Variants in SGK1 observed in about 807,000 individuals in gnomAD.
The protein encoded by SGK1 is serum/glucocorticoid regulated kinase 1.
In SGK1, 26 loss-of-function variants were observed where a neutral mutation model predicts 64.2. The ratio of observed to expected loss-of-function variants is 0.40; its 90% confidence interval spans 0.30 to 0.56. SGK1 has a LOEUF of 0.56. Ranked by LOEUF, SGK1 falls within the 20% of genes least tolerant of loss-of-function variation. SGK1 has a pLI of 0.38. For synonymous variants in SGK1, 265 were observed against 239.7 expected, an observed-to-expected ratio of 1.11 and a Z score of -0.98; for missense variants, 519 against 645.6, an observed-to-expected ratio of 0.80 and a Z score of 2.12.
chr6:134,291,987 C>G (rs1234614381), intron 1 of SGK1, among the ~76,000 whole-genome samples: 1 of 150,956 alleles, frequency 6.6e-6, no homozygotes, highest in Non-Finnish European at 1.5e-5. Context: ...GCCTTGAACC[C>G]AGGAGGCGGA....
intron 2 of SGK1, among the ~76,000 whole-genome samples, chr6:134,210,807 G>T (rs1437460881): frequency 8.9e-6 from 1 of 112,212 alleles, no homozygotes; most frequent in African/African-American, 3.9e-5. Context: ...GCAAGACTCC[G>T]TCTCAAAAAA....
intron 1 of SGK1, among the ~76,000 whole-genome samples, chr6:134,266,606 A>G (rs1562269343): frequency 6.6e-6 from 1 of 151,910 alleles, no homozygotes; most frequent in East Asian, 1.9e-4. Flanking sequence ...AAAGAAGGAG[A>G]CTCTGTCTCA....
chr6:134,203,586 T>A (rs1172122990), intron 3 of SGK1, among the ~76,000 whole-genome samples: 1 of 152,116 alleles, frequency 6.6e-6, no homozygotes, highest in Non-Finnish European at 1.5e-5. Context: ...ACCTTAACTA[T>A]AAGACACAGG....
intron 2 of SGK1, among the ~76,000 whole-genome samples, chr6:134,222,104 T>C (rs1439042678): frequency 1.3e-5 from 2 of 152,232 alleles, no homozygotes; most frequent in African/African-American, 2.4e-5. Flanking sequence ...TCTAGTGCTT[T>C]AATCCTCCTG....
At chr6:134,251,447 G>T (rs1464841492) in intron 2 of SGK1, among the ~76,000 whole-genome samples, 3 of 152,172 alleles carry the variant, frequency 2.0e-5, no homozygotes, top group African/African-American at 7.2e-5. Flanking sequence ...GAAAGATTTG[G>T]TTACATACAA....
At chr6:134,260,277 G>A (rs1260348518) in intron 2 of SGK1, 2 of 151,676 alleles carry the variant, frequency 1.3e-5, no homozygotes, top group African/African-American at 4.8e-5. Context: ...TTGAACCTAG[G>A]AGTTTGAGGT....
At chr6:134,296,776 CAAAA>C (rs869144600) in intron 1 of SGK1, among the ~76,000 whole-genome samples, 2 of 66,736 alleles carry the variant, frequency 3.0e-5, no homozygotes, top group Non-Finnish European at 5.9e-5. Flanking sequence ...TATTTTGGAC[CAAAA>C]AAAAAAAAAA....
At chr6:134,172,532 C>T (rs376149280) in intron 9 of SGK1, 130 bp downstream of exon 9, 25 of 777,688 alleles carry the variant, frequency 3.2e-5, no homozygotes, top group Non-Finnish European at 4.4e-5. Context: ...AGCCAGCTCA[C>T]GTGCTAGGGG....
intron 1 of SGK1, among the ~76,000 whole-genome samples, chr6:134,262,994 G>T (rs1367199350): frequency 6.6e-6 from 1 of 151,790 alleles, no homozygotes; most frequent in Non-Finnish European, 1.5e-5. Context: ...TAAGATTCAG[G>T]TAATAATATT....
intron 2 of SGK1, among the ~76,000 whole-genome samples, chr6:134,227,976 G>T (rs1395858458): frequency 1.7e-5 from 2 of 115,778 alleles, no homozygotes; most frequent in African/African-American, 6.6e-5. Flanking sequence ...TTTTGGAGAC[G>T]GAGAGTCTTG....
chr6:134,191,372 C>T (rs1038105899), intron 3 of SGK1, among the ~76,000 whole-genome samples: 16 of 152,154 alleles, frequency 1.1e-4, no homozygotes, highest in African/African-American at 3.6e-4. Context: ...TCTAATCTTT[C>T]GCTGGAATCA....
intron 1 of SGK1, among the ~76,000 whole-genome samples, chr6:134,295,458 C>A (rs1451224082): frequency 6.6e-6 from 1 of 152,174 alleles, no homozygotes; most frequent in Non-Finnish European, 1.5e-5. Context: ...AATCCCAGCA[C>A]TTTGGGACGC....
At chr6:134,313,839 G>A (rs1056860355) in intron 1 of SGK1, among the ~76,000 whole-genome samples, 15 of 152,172 alleles carry the variant, frequency 9.9e-5, no homozygotes, top group African/African-American at 3.6e-4. Flanking sequence ...ATTTGTTTGC[G>A]TTTTCTAAAT....
At chr6:134,212,143 T>A (rs1262968437) in intron 2 of SGK1, among the ~76,000 whole-genome samples, 2 of 151,764 alleles carry the variant, frequency 1.3e-5, no homozygotes, top group African/African-American at 4.8e-5. Flanking sequence ...GAGCTCCGCC[T>A]CCCGGGTTCA....
intron 1 of SGK1, among the ~76,000 whole-genome samples, chr6:134,266,624 T>A (rs1776858124): frequency 6.6e-6 from 1 of 152,080 alleles, no homozygotes; most frequent in Admixed American, 6.6e-5. Context: ...TCAAAAAAAA[T>A]AAAATATCTT....
chr6:134,305,381 A>G (rs1458296253), intron 1 of SGK1, among the ~76,000 whole-genome samples: 1 of 151,170 alleles, frequency 6.6e-6, no homozygotes, highest in African/African-American at 2.4e-5. Context: ...AAAAAAAAAA[A>G]AAAAAGGGAA....
intron 1 of SGK1, chr6:134,297,261 A>T: frequency 8.1e-7 from 1 of 1,231,256 alleles, no homozygotes; most frequent in South Asian, 1.2e-5. Context: ...GTAGGTTGCG[A>T]TCTCAATGTC....
chr6:134,192,242 G>A (rs1347370860), intron 3 of SGK1, among the ~76,000 whole-genome samples: 2 of 152,132 alleles, frequency 1.3e-5, no homozygotes, highest in African/African-American at 2.4e-5. Context: ...TGGGATTACA[G>A]GCGTGGGTCA....
At position 134,177,582 on chromosome 6, in the gene SGK1, C is replaced by T. The variant is rs1775265466; in HGVS notation, c.362-2996G>A. On this transcript the variant is annotated intron_variant, in intron 3 of 13. Transcript: ENST00000367858. ...TACAACCAGAGACCCTCTCCTACAC[C>T]CCACCTTATGTGCCTTCCCCATGCC... 6.6e-6 allele frequency: 7 copies of T among 1,054,118 alleles called. No individual in the cohort carries two copies. In the South Asian group the frequency reaches 6.8e-5, roughly 10 times the overall value. 65.3% of individuals were successfully genotyped at this position (1,054,118 alleles called of 1,614,324 possible).
Sources: gnomAD v4.1 joint callset for allele counts (sites outside exome capture counted in the v4.1 genomes callset) on GRCh38, gnomAD v4.1.1 for gene constraint, MANE v1.5 for transcripts, NCBI Gene and HGNC (gene_info 2026-07-23, HGNC 2026-07-21) for gene names.